Variants in BLMH observed in about 807,000 individuals in gnomAD.
The protein encoded by BLMH is bleomycin hydrolase, also known as BLM hydrolase.
BLMH carries 32 observed loss-of-function variants against 61.6 expected under a neutral mutation model. The observed-to-expected ratio is 0.52, with a 90% CI of 0.39 to 0.70. The LOEUF (loss-of-function observed/expected upper bound fraction) is 0.70, where lower values mean the gene tolerates loss of function less well. BLMH is among the 30% of genes least tolerant of loss of function. The pLI is 0.00. For missense variants in BLMH, 460 were observed against 555.5 expected, an observed-to-expected ratio of 0.83 and a Z score of 1.73; for synonymous variants, 183 against 193.8, an observed-to-expected ratio of 0.94 and a Z score of 0.46.
intron 6 of BLMH, among the ~76,000 whole-genome samples, chr17:30,275,354 T>G (rs1026132354): frequency 6.6e-6 from 1 of 152,204 alleles, no homozygotes; most frequent in Non-Finnish European, 1.5e-5. Flanking sequence ...TATATTATTT[T>G]CATTTTATAG....
At chr17:30,261,636 G>C (rs1466312308) in intron 11 of BLMH, among the ~76,000 whole-genome samples, 1 of 152,142 alleles carries the variant, frequency 6.6e-6, no homozygotes, top group African/African-American at 2.4e-5. Flanking sequence ...CTAAAATCAA[G>C]AATTAATTAT....
chr17:30,291,118 A>T, intron 2 of BLMH, 193 bp downstream of exon 2: 1 of 638,782 alleles, frequency 1.6e-6, no homozygotes, highest in Non-Finnish European at 2.7e-6. Flanking sequence ...AACCGCATGT[A>T]CTAACAAGCC....
Position 30,289,397 on chromosome 17 carries a change from T to A in BLMH, c.297A>T (p.Gln99His). Residue 99 changes from glutamine to histidine, a missense_variant, in exon 3 of 12, where the codon CAA becomes CAT. Gln to His is a conservative substitution (Grantham distance 24). This residue lies in a region of BLMH where 43 missense variants were observed against 38.8 expected (regional missense o/e 1.11). Transcript: ENST00000261714. ...KLNIEEFEFS[Q>H]SYLFFWDKVE... ...CCTTGTCCCAAAAAAACAGGTAAGA[T>A]TGGCTAAACTCAAATTCTTCAATAT... The A allele has an allele frequency of 6.2e-7, 1 of 1,609,730 alleles. No individual in the cohort carries two copies. The highest frequency in any genetic ancestry group is 8.5e-7 in the Non-Finnish European group (1 of 1,176,652).
chr17:30,272,973 T>C, intron 7 of BLMH, 74 bp from the exon 8 acceptor site: 2 of 1,497,152 alleles, frequency 1.3e-6, no homozygotes, highest in Non-Finnish European at 9.1e-7. Context: ...CTCCTCTAGG[T>C]TCATGTTTCC....
chr17:30,285,440 CT>C lies in BLMH; in HGVS notation c.592del (p.Ser198ValfsTer15). 1 of 1,613,154 alleles carries C rather than the reference CT, an allele frequency of 6.2e-7. No individual in the cohort carries two copies. The highest frequency in any genetic ancestry group is 8.5e-7 in the Non-Finnish European group (1 of 1,179,522). Reference protein sequence around the residue: ...FCIRLRNLVHSGATKGEISAT... With the variant: ...FCIRLRNLVHXGATKGEISAT... ...CGAGATTTCTCCTTTGGTTGCTCCA[CT>C]GTGTACCAGGTTCCGCAGTCGTATA... On this transcript the variant is annotated frameshift_variant, in exon 6 of 12. Coordinates refer to ENST00000261714, the MANE Select transcript of BLMH (RefSeq NM_000386.4). LOFTEE classifies it high-confidence loss of function.
At chr17:30,266,159 A>C (rs1374243179) in intron 11 of BLMH, among the ~76,000 whole-genome samples, 1 of 152,212 alleles carries the variant, frequency 6.6e-6, no homozygotes, top group Non-Finnish European at 1.5e-5. Context: ...ATAAATGCCT[A>C]AAGAAAGCTT....
At chr17:30,266,283 T>C (rs1328209956) in intron 11 of BLMH, among the ~76,000 whole-genome samples, 1 of 151,986 alleles carries the variant, frequency 6.6e-6, no homozygotes, top group East Asian at 1.9e-4. Flanking sequence ...ATCCTAGCAC[T>C]TTGGGAGGCC....
intron 10 of BLMH, among the ~76,000 whole-genome samples, chr17:30,270,112 T>C (rs1908226542): frequency 6.6e-6 from 1 of 152,212 alleles, no homozygotes; most frequent in African/African-American, 2.4e-5. Context: ...ATAGGCTAGT[T>C]AGGAAAATGT....
In BLMH at chr17:30,276,230, A is replaced by G. The variant is rs60534151; in HGVS notation, c.646-2033T>C. ...CGTCTACTTTGCTGTACTATCTTTC[A>G]CTACCATATTTCTTAAGCCTCTCAA... On this transcript the variant is annotated intron_variant, in intron 6 of 11. Coordinates refer to ENST00000261714, the MANE Select transcript of BLMH (RefSeq NM_000386.4). Among the ~76,000 whole-genome samples the G allele has an allele frequency of 4.1e-3, 625 of 152,322 alleles. 5 individuals carry two copies. Among genetic ancestry groups the G allele is most frequent in the African/African-American group, 0.014 (593 of 41,578 alleles).
rs961803308 is a variant in BLMH at position 30,291,685 on chromosome 17, C to A, written c.13+122G>T. 7 of 1,380,440 alleles carry A rather than the reference C, an allele frequency of 5.1e-6. No homozygotes were observed. The African/African-American group carries it at 1.0e-4, about 20-fold the overall frequency. 85.5% of individuals were successfully genotyped at this position (1,380,440 alleles called of 1,614,324 possible). A position where few individuals can be genotyped will look rare whatever the true frequency, so the allele number is the denominator to read the frequency against. On this transcript the variant is annotated intron_variant, in intron 1 of 11. Transcript: ENST00000261714. ...TCTCCCTCCAGGCCGATCCAGCCTG[C>A]CCCGAAAGCTCCCTCCCCGCCATCG... is the stretch of plus-strand genomic sequence containing the variant.
chr17:30,280,771 C>A lies in BLMH; in HGVS notation c.645+4617G>T, dbSNP rs1908565032. The stretch of plus-strand genomic sequence containing the variant: ...GGGATTATAGACATTAGCCACCATG[C>A]ACAGCCTACCCCAACTTTTTTTAGT... On this transcript the variant is annotated intron_variant, in intron 6 of 11. Coordinates refer to ENST00000261714, the MANE Select transcript of BLMH (RefSeq NM_000386.4). 3.3e-5 allele frequency among the ~76,000 whole-genome samples: 5 copies of A among 152,166 alleles called. No individual in the cohort carries two copies. In the South Asian group the frequency reaches 1.0e-3, roughly 31 times the overall value.
chr17:30,274,127 T>A lies in BLMH; in HGVS notation c.716A>T (p.Asp239Val). The A allele has an allele frequency of 6.2e-7, 1 of 1,614,174 alleles. No individual in the cohort carries two copies. Among genetic ancestry groups the A allele is most frequent in the Non-Finnish European group, 8.5e-7 (1 of 1,180,002 alleles). ...GGGGCCAATTTTCTGATAATTTTTATCTTTGTCTCGATATTCCCAGGTGAA... is the reference window on the plus strand; with the variant it reads ...GGGGCCAATTTTCTGATAATTTTTAACTTTGTCTCGATATTCCCAGGTGAA... ...ETFTWEYRDK[D>V]KNYQKIGPIT... is the part of the protein sequence containing the mutation. Residue 239 changes from aspartate to valine, a missense_variant, in exon 7 of 12, where the codon GAT becomes GTT. This residue lies in a region of BLMH where 310 missense variants were observed against 371.1 expected (regional missense o/e 0.84). Coordinates refer to ENST00000261714, the MANE Select transcript of BLMH (RefSeq NM_000386.4).
intron 6 of BLMH, among the ~76,000 whole-genome samples, chr17:30,280,690 C>T (rs1423327547): frequency 6.6e-6 from 1 of 152,108 alleles, no homozygotes; most frequent in Non-Finnish European, 1.5e-5. Flanking sequence ...GTTGGCCAGG[C>T]TGGTCTCAAG....
In BLMH at chr17:30,291,405, G is replaced by A; in HGVS notation, c.117C>T (p.Ile39=). 1 of 1,614,192 alleles carries A rather than the reference G, an allele frequency of 6.2e-7. No individual in the cohort carries two copies. Among genetic ancestry groups the A allele is most frequent in the Non-Finnish European group, 8.5e-7 (1 of 1,180,042 alleles). ...NVGTTHDLLD[I]CLKRATVQRA... is the part of the protein sequence containing the mutation. ...GCTGCACCGTGGCCCGCTTCAGACA[G>A]ATGTCCAGCAGGTCGTGGGTGGTCC... The change falls in exon 2 of 12, where the codon ATC becomes ATT. Residue 39 remains isoleucine (I), a synonymous_variant. Transcript: ENST00000261714.
chr17:30,272,710 C>T, intron 8 of BLMH, 31 bp downstream of exon 8: 1 of 1,613,974 alleles, frequency 6.2e-7, no homozygotes, highest in Non-Finnish European at 8.5e-7. Context: ...TGTTTTAACC[C>T]CAATGTGCAA....
chr17:30,283,384 T>TA (rs1239730605), intron 6 of BLMH, among the ~76,000 whole-genome samples: 4 of 152,160 alleles, frequency 2.6e-5, no homozygotes, highest in African/African-American at 9.7e-5. Context: ...ACATCAATCT[T>TA]AGACACATCA....
Position 30,287,835 on chromosome 17 carries a change from C to T in BLMH, c.434G>A (p.Gly145Asp). Residue 145 changes from glycine (G) to aspartate (D), a missense_variant, in exon 4 of 12, where the codon GGC becomes GAC. Physicochemically the swap from Gly to Asp is moderately conservative, Grantham distance 94. Coordinates refer to ENST00000261714, the MANE Select transcript of BLMH (RefSeq NM_000386.4). ...AATATTAACAAGCATATCCCATTGG[C>T]CACCATCATTTGCAGGGTTCATAAG... ...FLLMNPANDG[G>D]QWDMLVNIVE... 2.5e-6 allele frequency: 4 copies of T among 1,614,134 alleles called. No individual in the cohort carries two copies. Among genetic ancestry groups the T allele is most frequent in the Non-Finnish European group, 3.4e-6 (4 of 1,180,006 alleles).
chr17:30,285,303 A>G, intron 6 of BLMH, 85 bp downstream of exon 6: 2 of 947,660 alleles, frequency 2.1e-6, no homozygotes, highest in Non-Finnish European at 3.2e-6. Flanking sequence ...CCATGACTAA[A>G]GCTTCCTAAT....
At chr17:30,259,090 C>T (rs191932396) in intron 11 of BLMH, among the ~76,000 whole-genome samples, 53 of 152,302 alleles carry the variant, frequency 3.5e-4, no homozygotes, top group African/African-American at 1.2e-3. Context: ...ATCTCCCTTG[C>T]AGTTTATCCC....
Sources: allele counts gnomAD v4.1 joint callset (sites outside exome capture counted in the v4.1 genomes callset), GRCh38; gene constraint gnomAD v4.1.1; regional missense constraint gnomAD v4.1.1; transcripts MANE v1.5; gene names NCBI Gene and HGNC (gene_info 2026-07-23, HGNC 2026-07-21).